The following SDK1 variants were observed in gnomAD, a reference collection of about 807,000 sequenced individuals.
The protein encoded by SDK1 is sidekick cell adhesion molecule 1.
In SDK1, 157 loss-of-function variants were observed where a neutral mutation model predicts 245.5. The observed-to-expected ratio is 0.64, with a 90% CI of 0.56 to 0.73. The LOEUF (loss-of-function observed/expected upper bound fraction) is 0.73, where lower values mean the gene tolerates loss of function less well. Ranked by LOEUF, SDK1 falls within the 30% of genes least tolerant of loss-of-function variation. SDK1 has a pLI of 0.00. For missense variants in SDK1, 3,583 were observed against 3,002.3 expected (o/e 1.19, Z -4.52); for synonymous variants, 1,647 against 1,278.5 (o/e 1.29, Z -6.15).
intron 1 of SDK1, among the ~76,000 whole-genome samples, chr7:3,593,416 A>C (rs1467664175): frequency 1.3e-5 from 2 of 152,170 alleles, no homozygotes; most frequent in African/African-American, 4.8e-5. Context: ...CCGTTCTCCA[A>C]ACCTAGCTTT....
intron 5 of SDK1, among the ~76,000 whole-genome samples, chr7:3,835,759 C>G (rs1450418537): frequency 6.6e-6 from 1 of 151,944 alleles, no homozygotes; most frequent in East Asian, 1.9e-4. Context: ...AGACTGGTTT[C>G]TACTCTCAGA....
At chr7:3,661,474 A>G (rs1197710057) in intron 4 of SDK1, among the ~76,000 whole-genome samples, 1 of 152,180 alleles carries the variant, frequency 6.6e-6, no homozygotes. Flanking sequence ...GCCTTCATCT[A>G]TCACACGCTA....
Position 4,236,673 on chromosome 7 carries a change from C to G in SDK1, c.5993-974C>G, listed in dbSNP as rs1303322815. Among the ~76,000 whole-genome samples, 3 of 151,896 alleles carry G rather than the reference C, an allele frequency of 2.0e-5. No individual in the cohort carries two copies. In the South Asian group the frequency reaches 6.2e-4, roughly 32 times the overall value. On this transcript the variant is annotated intron_variant, in intron 41 of 44. Coordinates refer to ENST00000404826, the MANE Select transcript of SDK1 (RefSeq NM_152744.4). ...GAACCACTGAGGATTTTAGGGGGGA[C>G]AACTGATTTCTATCGGAGGAAGACC... is the stretch of plus-strand genomic sequence containing the variant.
chr7:3,385,936 A>G (rs1309881389), intron 1 of SDK1, among the ~76,000 whole-genome samples: 1 of 152,142 alleles, frequency 6.6e-6, no homozygotes, highest in Non-Finnish European at 1.5e-5. Context: ...ATTCTCTAGT[A>G]GAATCAAAAT....
chr7:3,577,795 A>G (rs895843751), intron 1 of SDK1, among the ~76,000 whole-genome samples: 3 of 151,940 alleles, frequency 2.0e-5, no homozygotes, highest in African/African-American at 7.2e-5. Context: ...TTGTCCCCCA[A>G]CCATGTTAGA....
At chr7:3,641,834 GT>G (rs1782659464) in intron 3 of SDK1, 123 bp from the exon 4 acceptor site, 2 of 783,892 alleles carry the variant, frequency 2.6e-6, no homozygotes, top group Admixed American at 2.6e-5. Context: ...AGTCTCGCTC[GT>G]CCTGGTGTGA....
chr7:3,567,970 C>A lies in SDK1; in HGVS notation c.299-51110C>A, dbSNP rs569580112. On this transcript the variant is annotated intron_variant, in intron 1 of 44. Transcript: ENST00000404826. ...TAGCTGGGACCACAGGTATGCACAACCATGCCTGGCTAATTTTTTGATTGT... is the reference window on the plus strand; with the variant it reads ...TAGCTGGGACCACAGGTATGCACAAACATGCCTGGCTAATTTTTTGATTGT... 2.4e-3 allele frequency among the ~76,000 whole-genome samples: 366 copies of A among 152,198 alleles called. 3 individuals carry two copies. The highest frequency in any genetic ancestry group is 0.018 in the South Asian group (87 of 4,816).
chr7:3,880,160 G>A (rs1170412532), intron 5 of SDK1, among the ~76,000 whole-genome samples: 4 of 152,324 alleles, frequency 2.6e-5, no homozygotes, highest in East Asian at 3.9e-4. Context: ...AATGCTCGCC[G>A]CACTCCTCAG....
chr7:3,519,073 CAT>C (rs1329701366), intron 1 of SDK1, among the ~76,000 whole-genome samples: 2 of 151,982 alleles, frequency 1.3e-5, no homozygotes, highest in Admixed American at 1.3e-4. Flanking sequence ...CATATGTTCT[CAT>C]ATGCAGAAGC....
In SDK1 at chr7:3,976,064, G is replaced by C. The variant is rs1160112171; in HGVS notation, c.1994+1519G>C. ...CCCGGGGCTGAGGCTGCCACGTAGAGGGTCCTCCAGAGAATCACTGAGGGT... is the reference window on the plus strand; with the variant it reads ...CCCGGGGCTGAGGCTGCCACGTAGACGGTCCTCCAGAGAATCACTGAGGGT... On this transcript the variant is annotated intron_variant, in intron 13 of 44. Transcript: ENST00000404826. 3.0e-3 allele frequency among the ~76,000 whole-genome samples: 3 copies of C among 992 alleles called. 1 individual carries two copies. Among genetic ancestry groups the C allele is most frequent in the Non-Finnish European group, 5.4e-3 (2 of 368 alleles). 0.7% of individuals were successfully genotyped at this position (992 alleles called of 152,430 possible).
intron 5 of SDK1, among the ~76,000 whole-genome samples, chr7:3,946,880 T>C (rs369389428): frequency 1.3e-5 from 2 of 152,220 alleles, no homozygotes; most frequent in South Asian, 4.1e-4. Context: ...CAAAAGGCTA[T>C]AAACAGAATG....
intron 26 of SDK1, among the ~76,000 whole-genome samples, chr7:4,129,496 G>C (rs1358983513): frequency 3.9e-5 from 6 of 152,126 alleles, no homozygotes; most frequent in Admixed American, 3.9e-4. Flanking sequence ...GAGGACAGCA[G>C]GTCTTCTGGG....
chr7:3,577,968 G>T (rs1009244537), intron 1 of SDK1, among the ~76,000 whole-genome samples: 1 of 152,036 alleles, frequency 6.6e-6, no homozygotes, highest in African/African-American at 2.4e-5. Context: ...AGAGCTGAGA[G>T]ACTAGTGAAA....
intron 1 of SDK1, among the ~76,000 whole-genome samples, chr7:3,482,855 G>T (rs552275327): frequency 6.6e-6 from 1 of 152,184 alleles, no homozygotes; most frequent in African/African-American, 2.4e-5. Context: ...TCTTGATTAC[G>T]AAATAATCTG....
At chr7:3,876,867 G>T (rs1256987759) in intron 5 of SDK1, among the ~76,000 whole-genome samples, 3 of 152,138 alleles carry the variant, frequency 2.0e-5, no homozygotes, top group African/African-American at 4.8e-5. Context: ...TCACACAGGG[G>T]CCCCAAAATA....
intron 1 of SDK1, among the ~76,000 whole-genome samples, chr7:3,582,634 T>TGAGC (rs1415606085): frequency 7.8e-6 from 1 of 128,830 alleles, no homozygotes; most frequent in Non-Finnish European, 1.5e-5. Context: ...CCTCGTGACA[T>TGAGC]GAGCTTACAT....
intron 19 of SDK1, among the ~76,000 whole-genome samples, chr7:4,052,734 A>AT (rs1287556627): frequency 3.3e-5 from 5 of 152,078 alleles, no homozygotes; most frequent in African/African-American, 9.7e-5. Flanking sequence ...ATTTCGTTGT[A>AT]TTTTTTTGCA....
chr7:3,906,889 C>A (rs1032008223), intron 5 of SDK1, among the ~76,000 whole-genome samples: 1 of 152,206 alleles, frequency 6.6e-6, no homozygotes, highest in Middle Eastern at 3.4e-3. Context: ...CTCGGCCTCC[C>A]GAAGTGCTGG....
Position 3,764,764 on chromosome 7 carries a change from T to C in SDK1, c.714-56686T>C, listed in dbSNP as rs888657453. Among the ~76,000 whole-genome samples, 6 of 152,274 alleles carry C rather than the reference T, an allele frequency of 3.9e-5. No individual in the cohort carries two copies. The East Asian group carries it at 9.6e-4, about 24-fold the overall frequency. Reference sequence around the variant, plus strand: ...TCAATATAATATTCTAGCTTTGATATAAAGGAGACATAAAAGTAATTCATA... The same window carrying C: ...TCAATATAATATTCTAGCTTTGATACAAAGGAGACATAAAAGTAATTCATA... On this transcript the variant is annotated intron_variant, in intron 4 of 44. Transcript: ENST00000404826.
Sources: allele counts gnomAD v4.1 joint callset (sites outside exome capture counted in the v4.1 genomes callset), GRCh38; gene constraint gnomAD v4.1.1; transcripts MANE v1.5; gene names NCBI Gene and HGNC (gene_info 2026-07-23, HGNC 2026-07-21).